The following SMCHD1 variants were observed in gnomAD, a reference collection of about 807,000 sequenced individuals.
The protein encoded by SMCHD1 is structural maintenance of chromosomes flexible hinge domain-containing protein 1.
Under a neutral mutation model 254.7 loss-of-function variants are expected in SMCHD1, and 78 were observed. That is an observed-to-expected ratio of 0.31 (90% CI 0.26 to 0.37). SMCHD1 has a LOEUF of 0.37. Among genes scored for constraint, SMCHD1 ranks in the 10% least tolerant of loss-of-function variants. SMCHD1 has a pLI of 1.00. For synonymous variants in SMCHD1, 766 were observed against 794.9 expected (o/e 0.96, Z 0.61); for missense variants, 1,840 against 2,408.1 (o/e 0.76, Z 4.94).
At chr18:2,679,499 A>AAAAAAAAAAAAAC (rs2073874716) in intron 5 of SMCHD1, among the ~76,000 whole-genome samples, 1 of 147,254 alleles carries the variant, frequency 6.8e-6, no homozygotes, top group Non-Finnish European at 1.5e-5. Context: ...AAAAAAAAAA[A>AAAAAAAAAAAAAC]GGAACTCTTG....
At chr18:2,777,682 G>A (rs975475816) in intron 42 of SMCHD1, 124 bp from the exon 43 acceptor site, 15 of 545,184 alleles carry the variant, frequency 2.8e-5, no homozygotes, top group African/African-American at 2.5e-4. Context: ...ATCACTTGTG[G>A]TGGATTGGGA....
At chr18:2,780,048 G>A (rs2076128652) in intron 44 of SMCHD1, among the ~76,000 whole-genome samples, 1 of 151,926 alleles carries the variant, frequency 6.6e-6, no homozygotes, top group African/African-American at 2.4e-5. Flanking sequence ...AGACTAGCCT[G>A]GCCAACATGG....
chr18:2,778,858 TTATC>T (rs1254782192), intron 44 of SMCHD1: 1 of 152,254 alleles, frequency 6.6e-6, no homozygotes, highest in Non-Finnish European at 1.5e-5. Flanking sequence ...ATTAACTTGA[TTATC>T]TCAGTAAAGA....
At chr18:2,680,492 G>C (rs1301082202) in intron 5 of SMCHD1, among the ~76,000 whole-genome samples, 3 of 152,110 alleles carry the variant, frequency 2.0e-5, no homozygotes, top group Admixed American at 6.5e-5. Context: ...TTTGCTGAGG[G>C]GCTCTGTGTG....
chr18:2,769,054 A>C (rs7359825), intron 37 of SMCHD1, among the ~76,000 whole-genome samples: 13,129 of 152,190 alleles, frequency 0.086, 940 homozygotes, highest in East Asian at 0.42. Flanking sequence ...AAAAACAGCT[A>C]CTATCGTTTC....
Position 2,803,959 on chromosome 18 carries a change from T to C in SMCHD1, c.*1407T>C, listed in dbSNP as rs1175525882. ...TCATTAGAAATTGGAAATGCTTCAATGAGCATTTCCCTTATGTGTCATATC... is the reference window on the plus strand; with the variant it reads ...TCATTAGAAATTGGAAATGCTTCAACGAGCATTTCCCTTATGTGTCATATC... On this transcript the variant is annotated 3_prime_UTR_variant, in exon 48 of 48. Transcript: ENST00000320876. The C allele has an allele frequency of 6.6e-6, 1 of 152,214 alleles. No homozygotes were observed. Among genetic ancestry groups the C allele is most frequent in the African/African-American group, 2.4e-5 (1 of 41,462 alleles). The allele number at this position is 152,214 out of a possible 1,614,324, so 9.4% of individuals were successfully genotyped here.
At chr18:2,732,694 A>T (rs2075166043) in intron 25 of SMCHD1, among the ~76,000 whole-genome samples, 1 of 152,184 alleles carries the variant, frequency 6.6e-6, no homozygotes, top group Admixed American at 6.5e-5. Context: ...ACAAAATTAT[A>T]CTTAGAAAAA....
rs2076093284 is a variant in SMCHD1 at position 2,777,879 on chromosome 18, T to C, written c.5440T>C (p.Leu1814=). ...AGATCCAGTCTTTGCTCGAGACTTG[T>C]TAACATTTCCAGATAATGTAGAACA... is the stretch of plus-strand genomic sequence containing the variant. ...IGDPVFARDL[L]TFPDNVEHCE... is the part of the protein sequence containing the mutation. The change falls in exon 43 of 48, where the codon TTA becomes CTA. Residue 1814 remains leucine (L), a synonymous_variant. Transcript: ENST00000320876. 6.5e-7 allele frequency: 1 copy of C among 1,550,272 alleles called. No individual in the cohort carries two copies. The highest frequency in any genetic ancestry group is 8.7e-7 in the Non-Finnish European group (1 of 1,145,614).
intron 47 of SMCHD1, chr18:2,800,850 C>T (rs527560915): frequency 1.2e-4 from 19 of 152,174 alleles, no homozygotes; most frequent in African/African-American, 4.3e-4. Context: ...TGAGGGTAGC[C>T]AGCAACGTGA....
chr18:2,685,869 T>A, intron 5 of SMCHD1, among the ~76,000 whole-genome samples: 1 of 152,226 alleles, frequency 6.6e-6, no homozygotes, highest in East Asian at 1.9e-4. Flanking sequence ...GTTCATAGAT[T>A]AATGGACACA....
chr18:2,674,862 AC>A (rs1421722151), intron 5 of SMCHD1, among the ~76,000 whole-genome samples: 19 of 152,216 alleles, frequency 1.2e-4, no homozygotes, highest in African/African-American at 4.6e-4. Flanking sequence ...AAAGTCACCC[AC>A]GTTTAAGGAT....
intron 10 of SMCHD1, among the ~76,000 whole-genome samples, chr18:2,698,333 T>C (rs2074327679): frequency 6.6e-6 from 1 of 152,184 alleles, no homozygotes. Flanking sequence ...GTCTTCTCTT[T>C]ATCCTTGTTG....
chr18:2,788,002 A>G (rs1270508626), intron 45 of SMCHD1, among the ~76,000 whole-genome samples: 1 of 152,092 alleles, frequency 6.6e-6, no homozygotes, highest in African/African-American at 2.4e-5. Flanking sequence ...CTTAACTCCC[A>G]CCAGTCCTAG....
At chr18:2,744,818 GT>G (rs1301508409) in intron 29 of SMCHD1, among the ~76,000 whole-genome samples, 1 of 151,946 alleles carries the variant, frequency 6.6e-6, no homozygotes, top group East Asian at 1.9e-4. Context: ...GGCTTTAATG[GT>G]TTTTTTGTTT....
chr18:2,662,638 C>G lies in SMCHD1; in HGVS notation c.187-3519C>G, dbSNP rs141630581. 5.1e-3 allele frequency among the ~76,000 whole-genome samples: 683 copies of G among 132,852 alleles called. 4 individuals are homozygous for G. Among genetic ancestry groups the G allele is most frequent in the African/African-American group, 0.018 (615 of 33,474 alleles). The allele number at this position is 132,852 out of a possible 152,430, so 87.2% of individuals were successfully genotyped here. ...CCAGCCTGCACAACAGAGCAAGACT[C>G]CATCTCAACAACAATAACAACAAAA... On this transcript the variant is annotated intron_variant, in intron 1 of 47. Coordinates refer to ENST00000320876, the MANE Select transcript of SMCHD1 (RefSeq NM_015295.3).
Position 2,722,450 on chromosome 18 carries a change from G to A in SMCHD1, c.2459-69G>A, listed in dbSNP as rs1005045812. On this transcript the variant is annotated intron_variant, in intron 19 of 47. Coordinates refer to ENST00000320876, the MANE Select transcript of SMCHD1 (RefSeq NM_015295.3). ...AAATTTCTCAGATAGAAATGGATCT[G>A]TTTTTGACCCCCAATGGCTTTTCTG... 6 of 1,333,430 alleles carry A rather than the reference G, an allele frequency of 4.5e-6. No individual in the cohort carries two copies. The African/African-American group carries it at 5.9e-5, about 13-fold the overall frequency. The allele number at this position is 1,333,430 out of a possible 1,614,324, so 82.6% of individuals were successfully genotyped here.
intron 42 of SMCHD1, among the ~76,000 whole-genome samples, chr18:2,776,206 AGACATAAT>A (rs1484551140): frequency 1.3e-5 from 2 of 152,154 alleles, no homozygotes; most frequent in African/African-American, 4.8e-5. Context: ...AAACACACAA[AGACATAAT>A]ATTTTTTTTT....
Position 2,697,879 on chromosome 18 carries a change from G to A in SMCHD1, c.1180G>A (p.Glu394Lys). Residue 394 changes from glutamate (E) to lysine (K), a missense_variant, in exon 10 of 48, where the codon GAA becomes AAA. Around this residue, in one of 9 missense-constraint regions of SMCHD1, gnomAD observed 498 missense variants for 743.5 expected, o/e 0.67. Transcript: ENST00000320876. ...GKVPKIVNLR[E>K]IQDDMQTLYV... ...GGTACCTAAGATTGTCAACCTAAGG[G>A]AAATACAAGACGACATGCAGACGTT... 1 of 1,613,594 alleles carries A rather than the reference G, an allele frequency of 6.2e-7. No homozygotes were observed. The highest frequency in any genetic ancestry group is 1.1e-5 in the South Asian group (1 of 91,080).
chr18:2,704,723 G>A (rs1027041916), intron 13 of SMCHD1, among the ~76,000 whole-genome samples: 2 of 151,874 alleles, frequency 1.3e-5, no homozygotes, highest in Admixed American at 6.6e-5. Flanking sequence ...AGAGGCTCAG[G>A]TTTACACAGA....
Sources: allele counts gnomAD v4.1 joint callset (sites outside exome capture counted in the v4.1 genomes callset), GRCh38; gene constraint gnomAD v4.1.1; regional missense constraint gnomAD v4.1.1; transcripts MANE v1.5; gene names NCBI Gene and HGNC (gene_info 2026-07-23, HGNC 2026-07-21).